CCDC116: variants seen among roughly 807,000 people sequenced by gnomAD.
CCDC116 encodes coiled-coil domain-containing protein 116.
A neutral mutation model predicts 29.4 loss-of-function variants in CCDC116; 24 were observed. The observed-to-expected ratio is 0.82, with a 90% confidence interval of 0.59 to 1.15. The LOEUF (loss-of-function observed/expected upper bound fraction) is 1.15. Among genes scored for constraint, CCDC116 ranks in the 50% most tolerant of loss-of-function variants. The pLI, the probability that CCDC116 is intolerant of heterozygous loss-of-function variation, is 0.00. For missense variants in CCDC116, 791 were observed against 804.0 expected, an observed-to-expected ratio of 0.98 and a Z score of 0.20; for synonymous variants, 298 against 331.4, an observed-to-expected ratio of 0.90 and a Z score of 1.10.
At chr22:21,635,579 A>G (rs1336398560) in intron 4 of CCDC116, 4 of 702,864 alleles carry the variant, frequency 5.7e-6, no homozygotes, top group Non-Finnish European at 1.0e-5. Context: ...TCCAGAGGTG[A>G]CCTCCTCAAA....
Position 21,634,941 on chromosome 22 carries a change from C to G in CCDC116, c.878C>G (p.Pro293Arg), listed in dbSNP as rs41279987. ...TCCCTCGACCTGCCTGGCTACTGTC[C>G]GCTCCGTGAGCCCCATCGCACGCTG... ...LESLDLPGYC[P>R]LREPHRTLNF... Residue 293 changes from proline to arginine, a missense_variant, in exon 4 of 5, where the codon CCG becomes CGG. Physicochemically the swap from Pro to Arg is moderately radical, Grantham distance 103 (BLOSUM62 -2). Transcript: ENST00000292779. 3.1e-6 allele frequency: 5 copies of G among 1,613,724 alleles called. No individual in the cohort carries two copies. Among genetic ancestry groups the G allele is most frequent in the Middle Eastern group, 3.3e-4 (2 of 6,062 alleles).
At chr22:21,633,384 T>C in intron 2 of CCDC116, 131 bp downstream of exon 2, 1 of 670,688 alleles carries the variant, frequency 1.5e-6, no homozygotes, top group Non-Finnish European at 2.5e-6. Flanking sequence ...AAGTCCTTAT[T>C]GCCTTGACTT....
At chr22:21,636,013 C>T (rs1930786137) in intron 4 of CCDC116, among the ~76,000 whole-genome samples, 1 of 152,208 alleles carries the variant, frequency 6.6e-6, no homozygotes, top group Non-Finnish European at 1.5e-5. Context: ...ACGTAGGTGG[C>T]CTCACACTGG....
In CCDC116 at chr22:21,634,376, T is replaced by A; in HGVS notation, c.427T>A (p.Cys143Ser). Residue 143 changes from cysteine to serine, a missense_variant, in exon 3 of 5, where the codon TGC becomes AGC. By Grantham distance (112) the Cys-to-Ser change is moderately radical (BLOSUM62 -1). Coordinates refer to ENST00000292779, the MANE Select transcript of CCDC116 (RefSeq NM_152612.3). ...CCGGCACCGTGTACGGCCGACCCTC[T>A]GCACTGGACACCCCAACAACTACCC... ...VHRHRVRPTL[C>S]TGHPNNYPSS... is the part of the protein sequence containing the mutation. The A allele has an allele frequency of 1.2e-5, 19 of 1,613,762 alleles. No homozygotes were observed. Among genetic ancestry groups the A allele is most frequent in the Non-Finnish European group, 1.6e-5 (19 of 1,179,892 alleles).
intron 1 of CCDC116, 119 bp downstream of exon 1, chr22:21,632,946 C>A: frequency 1.5e-6 from 1 of 683,670 alleles, no homozygotes; most frequent in Non-Finnish European, 2.8e-6. Flanking sequence ...TCAGCGATTC[C>A]ACCCCGATGA....
Position 21,633,226 on chromosome 22 carries a change from G to C in CCDC116, c.45G>C (p.Glu15Asp). The change falls in exon 2 of 5, where the codon GAG becomes GAC. Residue 15 changes from glutamate to aspartate, a missense_variant. Transcript: ENST00000292779. ...ACTCGGGTTACCTGGCCGATGACGAGGCCAGCCACTCCATGTGCAGTGCAC... is the reference window on the plus strand; with the variant it reads ...ACTCGGGTTACCTGGCCGATGACGACGCCAGCCACTCCATGTGCAGTGCAC... ...RHHSGYLADD[E>D]ASHSMCSARV... The C allele has an allele frequency of 6.4e-7, 1 of 1,550,884 alleles. No individual in the cohort carries two copies. The highest frequency in any genetic ancestry group is 8.7e-7 in the Non-Finnish European group (1 of 1,147,172).
chr22:21,633,995 C>A, intron 2 of CCDC116, 27 bp from the exon 3 acceptor site: 1 of 1,574,408 alleles, frequency 6.4e-7, no homozygotes, highest in Non-Finnish European at 8.6e-7. Context: ...GGCACCCCTG[C>A]CCCCTGTGAC....
In CCDC116 at chr22:21,637,304, T is replaced by C; in HGVS notation, c.*234T>C. The C allele has an allele frequency of 2.2e-6, 1 of 447,072 alleles. No homozygotes were observed. The highest frequency in any genetic ancestry group is 3.8e-6 in the Non-Finnish European group (1 of 260,710). 27.7% of individuals were successfully genotyped at this position (447,072 alleles called of 1,614,324 possible). ...GAAATAGAAATAAAGCCTGTGTTGCTGGGACACAGGTTTGCTGTCCTGAGA... is the reference window on the plus strand; with the variant it reads ...GAAATAGAAATAAAGCCTGTGTTGCCGGGACACAGGTTTGCTGTCCTGAGA... On this transcript the variant is annotated 3_prime_UTR_variant, in exon 5 of 5. Transcript: ENST00000292779.
At chr22:21,633,929 C>A in intron 2 of CCDC116, 93 bp from the exon 3 acceptor site, 1 of 1,279,192 alleles carries the variant, frequency 7.8e-7, no homozygotes, top group East Asian at 2.3e-5. Flanking sequence ...CAGCTCCTTC[C>A]ACTACTCACT....
At chr22:21,635,553 C>G (rs1446553753) in intron 4 of CCDC116, 4 of 702,982 alleles carry the variant, frequency 5.7e-6, no homozygotes, top group Non-Finnish European at 7.8e-6. Flanking sequence ...GCCTCTTCAT[C>G]TCCCGCCTCA....
In CCDC116 at chr22:21,634,192, G is replaced by C. The variant is rs1341981516; in HGVS notation, c.243G>C (p.Gln81His). Reference sequence around the variant, plus strand: ...TTCTGGATTTCCTAACTGAGAGCCAGGTCCTGGACAGCCTGGAGACAGTGG... The same window carrying C: ...TTCTGGATTTCCTAACTGAGAGCCACGTCCTGGACAGCCTGGAGACAGTGG... The part of the protein sequence containing the change: ...GHFLDFLTES[Q>H]VLDSLETVVE... The change falls in exon 3 of 5, where the codon CAG becomes CAC. Residue 81 changes from glutamine to histidine, a missense_variant. Coordinates refer to ENST00000292779, the MANE Select transcript of CCDC116 (RefSeq NM_152612.3). The C allele has an allele frequency of 6.2e-7, 1 of 1,614,138 alleles. No individual in the cohort carries two copies. The highest frequency in any genetic ancestry group is 8.5e-7 in the Non-Finnish European group (1 of 1,180,044).
In CCDC116 at chr22:21,636,696, T is replaced by A. The variant is rs1469998683; in HGVS notation, c.1468T>A (p.Ser490Thr). ...GGTAAAAGGCTCCCGCATCCACCTG[T>A]CCTCGGAGACCCACCGGAGCTGCCT... Reference protein sequence around the residue: ...KKVKGSRIHLSSETHRSCLLR... With the variant: ...KKVKGSRIHLTSETHRSCLLR... Residue 490 changes from serine to threonine, a missense_variant, in exon 5 of 5, where the codon TCC becomes ACC. Ser to Thr is a moderately conservative substitution (Grantham distance 58, BLOSUM62 1). Coordinates refer to ENST00000292779, the MANE Select transcript of CCDC116 (RefSeq NM_152612.3). 6.2e-7 allele frequency: 1 copy of A among 1,613,686 alleles called. No homozygotes were observed. Among genetic ancestry groups the A allele is most frequent in the Non-Finnish European group, 8.5e-7 (1 of 1,180,004 alleles).
intron 4 of CCDC116, chr22:21,635,664 G>A (rs1601464189): frequency 4.3e-6 from 3 of 690,172 alleles, no homozygotes; most frequent in Non-Finnish European, 8.0e-6. Flanking sequence ...TCACTAACAG[G>A]TGCTCAAGGT....
Position 21,634,827 on chromosome 22 carries a change from C to T in CCDC116, c.764C>T (p.Ala255Val), listed in dbSNP as rs1049068489. 4 of 1,613,894 alleles carry T rather than the reference C, an allele frequency of 2.5e-6. No individual in the cohort carries two copies. The highest frequency in any genetic ancestry group is 2.5e-6 in the Non-Finnish European group (3 of 1,180,034). Reference protein sequence around the residue: ...LLGSSSGVPEASEPRPGEQEP... With the variant: ...LLGSSSGVPEVSEPRPGEQEP... Reference sequence around the variant, plus strand: ...GGCTCAAGCTCTGGCGTGCCTGAAGCATCAGAGCCGAGGCCTGGAGAACAG... The same window carrying T: ...GGCTCAAGCTCTGGCGTGCCTGAAGTATCAGAGCCGAGGCCTGGAGAACAG... The change falls in exon 4 of 5, where the codon GCA becomes GTA. Residue 255 changes from alanine (A) to valine (V), a missense_variant. Physicochemically the swap from Ala to Val is moderately conservative, Grantham distance 64. Transcript: ENST00000292779.
In CCDC116 at chr22:21,636,094, G is replaced by T. The variant is rs562306035; in HGVS notation, c.1204-338G>T. Reference sequence around the variant, plus strand: ...CCCCTGCAGCTGTCTCTGGGCACAGGCCTGGGCAGGAGCCTGCCCAAACCC... The same window carrying T: ...CCCCTGCAGCTGTCTCTGGGCACAGTCCTGGGCAGGAGCCTGCCCAAACCC... On this transcript the variant is annotated intron_variant, in intron 4 of 4. Coordinates refer to ENST00000292779, the MANE Select transcript of CCDC116 (RefSeq NM_152612.3). Among the ~76,000 whole-genome samples the T allele has an allele frequency of 3.9e-5, 6 of 152,238 alleles. No individual in the cohort carries two copies. In the South Asian group the frequency reaches 1.2e-3, roughly 32 times the overall value.
In CCDC116 at chr22:21,634,371, C is replaced by T. The variant is rs957333912; in HGVS notation, c.422C>T (p.Thr141Ile). The T allele has an allele frequency of 6.2e-7, 1 of 1,613,488 alleles. No homozygotes were observed. Among genetic ancestry groups the T allele is most frequent in the South Asian group, 1.1e-5 (1 of 91,072 alleles). The change falls in exon 3 of 5, where the codon ACC (threonine) becomes ATC (isoleucine). Residue 141 changes from threonine (T) to isoleucine (I), a missense_variant. Transcript: ENST00000292779. ...GTACACCGGCACCGTGTACGGCCGA[C>T]CCTCTGCACTGGACACCCCAACAAC... ...STVHRHRVRP[T>I]LCTGHPNNYP...
At chr22:21,633,513 G>T (rs768203342) in intron 2 of CCDC116, among the ~76,000 whole-genome samples, 1 of 152,192 alleles carries the variant, frequency 6.6e-6, no homozygotes, top group Non-Finnish European at 1.5e-5. Flanking sequence ...GGAGCATGGA[G>T]TTGACTAGGT....
In CCDC116 at chr22:21,634,216, G is replaced by A. The variant is rs1332176032; in HGVS notation, c.267G>A (p.Val89=). Residue 89 remains valine (V), a synonymous_variant, in exon 3 of 5, where the codon GTG becomes GTA. Transcript: ENST00000292779. ...ESQVLDSLET[V]VEKATERMAA... ...AGGTCCTGGACAGCCTGGAGACAGT[G>A]GTGGAGAAGGCGACTGAGCGCATGG... is the stretch of plus-strand genomic sequence containing the variant. The A allele has an allele frequency of 6.2e-7, 1 of 1,614,128 alleles. No individual in the cohort carries two copies. Among genetic ancestry groups the A allele is most frequent in the African/African-American group, 1.3e-5 (1 of 74,956 alleles).
chr22:21,635,396 C>T, intron 4 of CCDC116, 130 bp downstream of exon 4: 1 of 873,490 alleles, frequency 1.1e-6, no homozygotes, highest in South Asian at 1.4e-5. Context: ...CCAGCCCTGG[C>T]AGGGCCTGCA....
Sources: allele counts gnomAD v4.1 joint callset (sites outside exome capture counted in the v4.1 genomes callset), GRCh38; gene constraint gnomAD v4.1.1; transcripts MANE v1.5; gene names NCBI Gene and HGNC (gene_info 2026-07-23, HGNC 2026-07-21).